Variants in PRRX2 observed in about 807,000 individuals in gnomAD.
PRRX2 encodes paired related homeobox 2.
A neutral mutation model predicts 18.0 loss-of-function variants in PRRX2; 11 were observed. The ratio of observed to expected loss-of-function variants is 0.61; its 90% CI spans 0.39 to 1.01. The LOEUF (loss-of-function observed/expected upper bound fraction) is 1.01, where lower values mean the gene tolerates loss of function less well. Ranked by LOEUF, PRRX2 falls within the 50% of genes least tolerant of loss-of-function variation. The pLI is 0.01. For synonymous variants in PRRX2, 177 were observed against 154.8 expected, an observed-to-expected ratio of 1.14 and a Z score of -1.06; for missense variants, 387 against 351.0, an observed-to-expected ratio of 1.10 and a Z score of -0.82.
chr9:129,716,773 AG>A (rs1832713587), intron 1 of PRRX2, among the ~76,000 whole-genome samples: 1 of 152,016 alleles, frequency 6.6e-6, no homozygotes, highest in South Asian at 2.1e-4. Context: ...TTCTTTTGAT[AG>A]AAGAAAGGGA....
At chr9:129,707,405 T>A (rs1215379890) in intron 1 of PRRX2, among the ~76,000 whole-genome samples, 1 of 152,232 alleles carries the variant, frequency 6.6e-6, no homozygotes, top group Non-Finnish European at 1.5e-5. Context: ...CTGAATACTA[T>A]TCCATTGCAT....
intron 1 of PRRX2, among the ~76,000 whole-genome samples, chr9:129,689,018 C>T (rs923280792): frequency 2.6e-5 from 4 of 152,156 alleles, no homozygotes; most frequent in African/African-American, 9.7e-5. Flanking sequence ...GAAGTGTGCA[C>T]GAGGCCAGAA....
At chr9:129,720,897 T>C in intron 3 of PRRX2, 123 bp downstream of exon 3, 1 of 1,139,084 alleles carries the variant, frequency 8.8e-7, no homozygotes, top group Non-Finnish European at 1.2e-6. Context: ...GCCCCTGGGA[T>C]CTGGGGTACA....
At chr9:129,680,130 G>A (rs1470954549) in intron 1 of PRRX2, among the ~76,000 whole-genome samples, 10 of 152,096 alleles carry the variant, frequency 6.6e-5, no homozygotes, top group Admixed American at 5.2e-4. Context: ...AGGCAGGCAC[G>A]GTGGCTCATG....
intron 1 of PRRX2, among the ~76,000 whole-genome samples, chr9:129,714,253 C>T (rs534868960): frequency 6.6e-6 from 1 of 151,680 alleles, no homozygotes; most frequent in Non-Finnish European, 1.5e-5. Context: ...TGCAGTGAGC[C>T]GAGATCGTGC....
At chr9:129,713,298 T>C (rs1342827288) in intron 1 of PRRX2, 1 of 152,278 alleles carries the variant, frequency 6.6e-6, no homozygotes, top group Non-Finnish European at 1.5e-5. Context: ...GAGTGAACAT[T>C]TATTGAGCAA....
At chr9:129,676,095 G>T (rs1832160101) in intron 1 of PRRX2, among the ~76,000 whole-genome samples, 1 of 152,116 alleles carries the variant, frequency 6.6e-6, no homozygotes, top group South Asian at 2.1e-4. Context: ...TCCAGGGCTG[G>T]GTCTGCACCC....
At chr9:129,711,042 C>T (rs754979206) in intron 1 of PRRX2, among the ~76,000 whole-genome samples, 3 of 152,128 alleles carry the variant, frequency 2.0e-5, no homozygotes, top group Non-Finnish European at 2.9e-5. Context: ...CATGCTGCAG[C>T]CCCAAGAATG....
Position 129,719,396 on chromosome 9 carries a change from A to G in PRRX2, c.425A>G (p.Asn142Ser). Residue 142 changes from asparagine (N) to serine (S), a missense_variant, in exon 2 of 4, where the codon AAC becomes AGC. Transcript: ENST00000372469. Reference protein sequence around the residue: ...FVREELARRVNLSEARVQVWF... With the variant: ...FVREELARRVSLSEARVQVWF... ...CGCGAGGAGCTTGCCCGGCGCGTCA[A>G]CCTCAGCGAGGCGCGCGTTCAGGTG... The G allele has an allele frequency of 3.2e-6, 5 of 1,544,966 alleles. No homozygotes were observed. Among genetic ancestry groups the G allele is most frequent in the African/African-American group, 1.4e-5 (1 of 73,080 alleles).
At chr9:129,684,427 A>AAACACACACACACAC (rs1554723008) in intron 1 of PRRX2, among the ~76,000 whole-genome samples, 1 of 82,928 alleles carries the variant, frequency 1.2e-5, no homozygotes, top group Non-Finnish European at 2.5e-5. Flanking sequence ...ACACAGATAC[A>AAACACACACACACAC]ACACACACAC....
chr9:129,708,392 T>C (rs1435073396), intron 1 of PRRX2, among the ~76,000 whole-genome samples: 1 of 152,212 alleles, frequency 6.6e-6, no homozygotes, highest in African/African-American at 2.4e-5. Flanking sequence ...TGTCTCATCA[T>C]GGTTTTGATT....
intron 1 of PRRX2, among the ~76,000 whole-genome samples, chr9:129,702,411 A>G (rs1049718540): frequency 6.6e-6 from 1 of 152,210 alleles, no homozygotes; most frequent in Non-Finnish European, 1.5e-5. Context: ...AAAAAAAAAA[A>G]AACTTTCTAG....
At chr9:129,681,318 G>A (rs1832226123) in intron 1 of PRRX2, among the ~76,000 whole-genome samples, 1 of 152,286 alleles carries the variant, frequency 6.6e-6, no homozygotes, top group African/African-American at 2.4e-5. Context: ...TCAGGTGTTC[G>A]AGACCAGCCT....
At chr9:129,699,239 A>G (rs535807529) in intron 1 of PRRX2, among the ~76,000 whole-genome samples, 11 of 152,324 alleles carry the variant, frequency 7.2e-5, no homozygotes, top group African/African-American at 2.4e-4. Context: ...CCTGGCCAAC[A>G]TGGTGAAACC....
intron 1 of PRRX2, among the ~76,000 whole-genome samples, chr9:129,694,475 G>A (rs997526921): frequency 1.3e-5 from 2 of 152,202 alleles, no homozygotes. Context: ...ATAAGCCACC[G>A]TGTCCAGCCC....
At chr9:129,697,558 A>C (rs1832442623) in intron 1 of PRRX2, among the ~76,000 whole-genome samples, 1 of 151,102 alleles carries the variant, frequency 6.6e-6, no homozygotes, top group African/African-American at 2.4e-5. Context: ...GCTGGCGCGC[A>C]CATGGCCGGG....
intron 1 of PRRX2, among the ~76,000 whole-genome samples, chr9:129,678,782 C>T (rs545745974): frequency 1.5e-4 from 23 of 152,224 alleles, no homozygotes; most frequent in African/African-American, 4.3e-4. Context: ...CCACTCACTC[C>T]GGCCCTCTCT....
chr9:129,678,970 T>C (rs1381939427), intron 1 of PRRX2, among the ~76,000 whole-genome samples: 2 of 152,108 alleles, frequency 1.3e-5, no homozygotes, highest in East Asian at 3.9e-4. Flanking sequence ...CTGCACTGCC[T>C]GAGAAGCCCA....
intron 1 of PRRX2, among the ~76,000 whole-genome samples, chr9:129,681,387 G>T (rs1483744283): frequency 1.3e-5 from 2 of 152,198 alleles, no homozygotes; most frequent in Non-Finnish European, 2.9e-5. Context: ...AGGCATGGTG[G>T]TGTGCACCTG....
Sources: gnomAD v4.1 joint callset for allele counts (sites outside exome capture counted in the v4.1 genomes callset) on GRCh38, gnomAD v4.1.1 for gene constraint, MANE v1.5 for transcripts, NCBI Gene and HGNC (gene_info 2026-07-23, HGNC 2026-07-21) for gene names.